The following OPCML variants were observed in gnomAD, a reference collection of about 807,000 sequenced individuals.
The protein encoded by OPCML is opioid binding protein/cell adhesion molecule like, also known as opioid-binding protein/cell adhesion molecule.
A neutral mutation model predicts 37.8 loss-of-function variants in OPCML; 13 were observed. The observed-to-expected ratio is 0.34, with a 90% CI of 0.22 to 0.55. The LOEUF (loss-of-function observed/expected upper bound fraction) is 0.55. Among genes scored for constraint, OPCML ranks in the 20% least tolerant of loss-of-function variants. The pLI is 0.91. For synonymous variants in OPCML, 176 were observed against 168.8 expected, an observed-to-expected ratio of 1.04 and a Z score of -0.33; for missense variants, 341 against 435.6, an observed-to-expected ratio of 0.78 and a Z score of 1.93.
At chr11:132,773,384 T>G (rs1946707795) in intron 2 of OPCML, 1 of 152,072 alleles carries the variant, frequency 6.6e-6, no homozygotes, top group South Asian at 2.1e-4. Flanking sequence ...TTTATTTCAA[T>G]CAAGCCGTGT....
chr11:132,557,297 T>C (rs1353924852), intron 3 of OPCML, among the ~76,000 whole-genome samples: 1 of 152,200 alleles, frequency 6.6e-6, no homozygotes, highest in Non-Finnish European at 1.5e-5. Context: ...TCCTCAGTCG[T>C]AGAGGGAGTC....
chr11:133,505,941 G>C (rs1405479453), intron 1 of OPCML, among the ~76,000 whole-genome samples: 1 of 152,158 alleles, frequency 6.6e-6, no homozygotes, highest in South Asian at 2.1e-4. Flanking sequence ...TTGGTTAGAA[G>C]TTCGCACCAT....
At chr11:133,532,061 C>T (rs938098849) in intron 1 of OPCML, 2 of 380,128 alleles carry the variant, frequency 5.3e-6, no homozygotes, top group Non-Finnish European at 7.2e-6. Flanking sequence ...GAGCAAATCC[C>T]GTGCTGAAAG....
At chr11:132,464,129 C>A (rs1194850441) in intron 4 of OPCML, among the ~76,000 whole-genome samples, 2 of 152,186 alleles carry the variant, frequency 1.3e-5, no homozygotes, top group African/African-American at 4.8e-5. Context: ...GCCTTCCCAG[C>A]AGATGGAGAA....
chr11:133,517,417 G>A (rs567524663), intron 1 of OPCML, among the ~76,000 whole-genome samples: 47 of 152,312 alleles, frequency 3.1e-4, no homozygotes, highest in Admixed American at 9.1e-4. Context: ...ATAGTACAGC[G>A]GGTCTTAATT....
chr11:132,693,550 A>G (rs1943485593), intron 2 of OPCML, among the ~76,000 whole-genome samples: 1 of 152,222 alleles, frequency 6.6e-6, no homozygotes, highest in Non-Finnish European at 1.5e-5. Context: ...TTAAAAAAGG[A>G]AAATTCAGCT....
At chr11:132,607,649 G>A (rs1186780460) in intron 3 of OPCML, among the ~76,000 whole-genome samples, 6 of 152,224 alleles carry the variant, frequency 3.9e-5, no homozygotes, top group Non-Finnish European at 7.3e-5. Flanking sequence ...TCTAGAGTCA[G>A]ACTTGGGTTC....
At chr11:132,764,103 C>A (rs1211833557) in intron 2 of OPCML, among the ~76,000 whole-genome samples, 2 of 152,196 alleles carry the variant, frequency 1.3e-5, no homozygotes, top group African/African-American at 4.8e-5. Context: ...AGGCATTGAT[C>A]TCCCAGCACA....
intron 2 of OPCML, among the ~76,000 whole-genome samples, chr11:132,810,006 C>T (rs558182382): frequency 2.6e-5 from 4 of 152,170 alleles, no homozygotes; most frequent in South Asian, 2.1e-4. Context: ...CCCGCCACCA[C>T]GCCCGGCTAA....
intron 7 of OPCML, among the ~76,000 whole-genome samples, chr11:132,425,835 G>T (rs193061773): frequency 6.6e-6 from 1 of 152,316 alleles, no homozygotes; most frequent in Admixed American, 6.5e-5. Context: ...CTGAGGAAGC[G>T]TATTCAGTAG....
At chr11:132,975,101 C>A (rs1946428344) in intron 1 of OPCML, among the ~76,000 whole-genome samples, 1 of 151,582 alleles carries the variant, frequency 6.6e-6, no homozygotes, top group African/African-American at 2.4e-5. Context: ...TACCTTGATG[C>A]CACTATAGGT....
chr11:132,485,367 G>T (rs1419495498), intron 4 of OPCML, among the ~76,000 whole-genome samples: 2 of 152,104 alleles, frequency 1.3e-5, no homozygotes, highest in Non-Finnish European at 1.5e-5. Context: ...TTTTTTGTTT[G>T]TTTGTTTGTT....
chr11:133,388,474 A>G (rs1755965169), intron 1 of OPCML, among the ~76,000 whole-genome samples: 1 of 152,200 alleles, frequency 6.6e-6, no homozygotes. Flanking sequence ...TTGTGGGAAC[A>G]GTATGGGGAC....
intron 1 of OPCML, among the ~76,000 whole-genome samples, chr11:132,945,574 A>G (rs1052754437): frequency 1.3e-5 from 2 of 152,208 alleles, no homozygotes; most frequent in African/African-American, 4.8e-5. Context: ...CATAAACACT[A>G]TATAATTAGG....
At chr11:133,437,106 A>T (rs12418319) in intron 1 of OPCML, among the ~76,000 whole-genome samples, 19,083 of 152,178 alleles carry the variant, frequency 0.13, 1,365 homozygotes, top group African/African-American at 0.17. Context: ...TCTAATTTAT[A>T]CGACATCTTA....
At chr11:133,531,072 C>G (rs1374736827) in intron 1 of OPCML, among the ~76,000 whole-genome samples, 1 of 152,106 alleles carries the variant, frequency 6.6e-6, no homozygotes, top group African/African-American at 2.4e-5. Context: ...TAACACAATG[C>G]ATTTATCTCA....
At chr11:132,972,436 A>T (rs1316078008) in intron 1 of OPCML, among the ~76,000 whole-genome samples, 1 of 152,250 alleles carries the variant, frequency 6.6e-6, no homozygotes, top group Non-Finnish European at 1.5e-5. Flanking sequence ...GGCAACACAC[A>T]GTTACCAAGG....
intron 2 of OPCML, among the ~76,000 whole-genome samples, chr11:132,845,687 T>C (rs981752054): frequency 2.0e-5 from 3 of 152,232 alleles, no homozygotes; most frequent in Non-Finnish European, 2.9e-5. Flanking sequence ...ACAGCTTTCC[T>C]GAAACTTCTT....
chr11:133,024,208 G>A (rs921469428), intron 1 of OPCML: 19 of 218,706 alleles, frequency 8.7e-5, no homozygotes, highest in African/African-American at 4.2e-4. Flanking sequence ...GTAGGAAGGA[G>A]GATTCATCAG....
Sources: allele counts gnomAD v4.1 joint callset (sites outside exome capture counted in the v4.1 genomes callset), GRCh38; gene constraint gnomAD v4.1.1; transcripts MANE v1.5; gene names NCBI Gene and HGNC (gene_info 2026-07-23, HGNC 2026-07-21).